Variants in MYOF observed in about 807,000 individuals in gnomAD.
MYOF encodes the protein myoferlin, also known as fer-1-like 3, myoferlin.
In MYOF, 244 loss-of-function variants were observed where a neutral mutation model predicts 284.2. That is an observed-to-expected ratio of 0.86 (90% CI 0.77 to 0.95). The LOEUF (loss-of-function observed/expected upper bound fraction) is 0.95, where lower values mean the gene tolerates loss of function less well. MYOF is among the 40% of genes least tolerant of loss of function. MYOF has a pLI of 0.00. For synonymous variants in MYOF, 904 were observed against 919.7 expected (o/e 0.98, Z 0.31); for missense variants, 2,496 against 2,560.6 (o/e 0.97, Z 0.54).
At chr10:93,353,625 T>C (rs1226999798) in intron 32 of MYOF, among the ~76,000 whole-genome samples, 186 bp downstream of exon 32, 1 of 152,174 alleles carries the variant, frequency 6.6e-6, no homozygotes, top group African/African-American at 2.4e-5. Context: ...GACCCAGCAA[T>C]GGTGCCTAAA....
At chr10:93,374,017 T>C (rs993454970) in intron 23 of MYOF, among the ~76,000 whole-genome samples, 1 of 152,134 alleles carries the variant, frequency 6.6e-6, no homozygotes, top group African/African-American at 2.4e-5. Context: ...CCCAGCCCCC[T>C]ATCCCGCTGA....
chr10:93,457,910 T>G (rs1430519702), intron 1 of MYOF, among the ~76,000 whole-genome samples: 2 of 69,760 alleles, frequency 2.9e-5, no homozygotes, highest in African/African-American at 4.8e-5. Context: ...TTTTTCTATG[T>G]TTTTTTTTTT....
intron 46 of MYOF, chr10:93,324,375 C>G (rs1489486759): frequency 2.0e-5 from 3 of 152,190 alleles, no homozygotes; most frequent in Non-Finnish European, 4.4e-5. Context: ...ATGATCCTGA[C>G]TCTCCTGCAA....
intron 3 of MYOF, among the ~76,000 whole-genome samples, chr10:93,435,687 G>T (rs1029945501): frequency 1.3e-5 from 2 of 152,112 alleles, no homozygotes. Context: ...CTGGCCAGGT[G>T]CAGTGGCTCA....
At chr10:93,481,719 A>G (rs1269750710) in intron 1 of MYOF, among the ~76,000 whole-genome samples, 1 of 152,226 alleles carries the variant, frequency 6.6e-6, no homozygotes, top group Non-Finnish European at 1.5e-5. Flanking sequence ...GGTGTCTCCA[A>G]CAATTTAATT....
At chr10:93,382,300 A>G (rs891877106) in intron 19 of MYOF, among the ~76,000 whole-genome samples, 3 of 151,826 alleles carry the variant, frequency 2.0e-5, no homozygotes, top group Non-Finnish European at 2.9e-5. Flanking sequence ...GTGCAATGGC[A>G]TGATCACGGC....
In MYOF at chr10:93,341,124, G is replaced by T. The variant is rs114446005; in HGVS notation, c.4327-960C>A. 7.8e-3 allele frequency among the ~76,000 whole-genome samples: 1,181 copies of T among 152,230 alleles called. 15 individuals carry two copies. Among genetic ancestry groups the T allele is most frequent in the African/African-American group, 0.027 (1,127 of 41,534 alleles). On this transcript the variant is annotated intron_variant, in intron 38 of 53. Coordinates refer to ENST00000359263, the MANE Select transcript of MYOF (RefSeq NM_013451.4). The stretch of plus-strand genomic sequence containing the variant: ...GATTCATACCAAAGCAAGATTAAGG[G>T]TTAAATCATCACAGCTGAATTGAGA...
At chr10:93,419,368 G>A (rs1204002300) in intron 5 of MYOF, among the ~76,000 whole-genome samples, 3 of 151,816 alleles carry the variant, frequency 2.0e-5, no homozygotes, top group African/African-American at 7.3e-5. Context: ...TCACCATATT[G>A]GTCAGGCTGG....
chr10:93,458,899 G>T (rs1326082293), intron 1 of MYOF, among the ~76,000 whole-genome samples: 2 of 152,148 alleles, frequency 1.3e-5, no homozygotes, highest in Admixed American at 1.3e-4. Flanking sequence ...ATGTCACATT[G>T]CTTTGGCTCC....
intron 48 of MYOF, among the ~76,000 whole-genome samples, chr10:93,322,749 G>A (rs1292054647): frequency 2.0e-5 from 3 of 151,962 alleles, no homozygotes; most frequent in Admixed American, 1.3e-4. Context: ...GTATCAAAGA[G>A]GAATAAAAAG....
chr10:93,397,140 C>T (rs1387524604), intron 15 of MYOF, 107 bp downstream of exon 15: 3 of 989,452 alleles, frequency 3.0e-6, no homozygotes, highest in African/African-American at 1.7e-5. Context: ...TTATCCTCTC[C>T]TCTGGAAGGA....
intron 10 of MYOF, 144 bp downstream of exon 10, chr10:93,402,716 C>T: frequency 3.0e-6 from 2 of 674,682 alleles, no homozygotes; most frequent in Non-Finnish European, 4.9e-6. Context: ...CCTCTCCTCT[C>T]CCTCATTAAG....
chr10:93,316,653 A>G (rs1332390523), intron 50 of MYOF, 61 bp downstream of exon 50: 1 of 1,431,832 alleles, frequency 7.0e-7, no homozygotes, highest in Non-Finnish European at 9.8e-7. Context: ...CCAAGTTTTC[A>G]TTGACCCCAC....
At chr10:93,429,423 C>G (rs182335659) in intron 4 of MYOF, among the ~76,000 whole-genome samples, 57 of 152,254 alleles carry the variant, frequency 3.7e-4, no homozygotes, top group Non-Finnish European at 6.8e-4. Flanking sequence ...CTAACACACT[C>G]CACTGAATCA....
Position 93,401,414 on chromosome 10 carries a change from A to C in MYOF, c.1117+4T>G. On this transcript the variant is annotated splice_donor_region_variant and intron_variant, in intron 12 of 53. Transcript: ENST00000359263. ...TTCTGGGGCAAGATTAAATCAGTAC[A>C]TACTCTGGGGGATGTCCTCAGCTCG... 6.2e-7 allele frequency: 1 copy of C among 1,614,050 alleles called. No individual in the cohort carries two copies. The highest frequency in any genetic ancestry group is 1.1e-5 in the South Asian group (1 of 91,050).
chr10:93,375,090 C>G, intron 22 of MYOF, 135 bp from the exon 23 acceptor site: 1 of 881,978 alleles, frequency 1.1e-6, no homozygotes, highest in Non-Finnish European at 1.7e-6. Context: ...TCTACAAGCA[C>G]TGCCTGGTTT....
At chr10:93,472,514 C>T (rs1419655264) in intron 1 of MYOF, among the ~76,000 whole-genome samples, 1 of 152,104 alleles carries the variant, frequency 6.6e-6, no homozygotes, top group Admixed American at 6.6e-5. Flanking sequence ...TGGCATGTGC[C>T]TGTAATCCCA....
At chr10:93,410,256 T>C (rs1033772801) in intron 5 of MYOF, among the ~76,000 whole-genome samples, 3 of 152,180 alleles carry the variant, frequency 2.0e-5, no homozygotes, top group Non-Finnish European at 2.9e-5. Context: ...CCTCATTTTC[T>C]TGCCAAGCAC....
chr10:93,407,759 T>A (rs886804381), intron 7 of MYOF, among the ~76,000 whole-genome samples: 126 of 141,190 alleles, frequency 8.9e-4, no homozygotes, highest in African/African-American at 3.3e-3. Context: ...AAAAAAAAAA[T>A]TTATCAGTAT....
Sources: gnomAD v4.1 joint callset for allele counts (sites outside exome capture counted in the v4.1 genomes callset) on GRCh38, gnomAD v4.1.1 for gene constraint, MANE v1.5 for transcripts, NCBI Gene and HGNC (gene_info 2026-07-23, HGNC 2026-07-21) for gene names.